The following ABCA1 variants were observed in gnomAD, a reference collection of about 807,000 sequenced individuals.
ABCA1 encodes the protein ATP binding cassette subfamily A member 1.
Under a neutral mutation model 262.5 loss-of-function variants are expected in ABCA1, and 133 were observed. The observed-to-expected ratio is 0.51, with a 90% CI of 0.44 to 0.59. The LOEUF (loss-of-function observed/expected upper bound fraction) is 0.59, where lower values mean the gene tolerates loss of function less well. Among genes scored for constraint, ABCA1 ranks in the 20% least tolerant of loss-of-function variants. ABCA1 has a pLI of 0.00. For missense variants in ABCA1, 2,452 were observed against 2,777.5 expected (o/e 0.88, Z 2.63); for synonymous variants, 1,022 against 1,043.5 (o/e 0.98, Z 0.40).
intron 41 of ABCA1, 116 bp from the exon 42 acceptor site, chr9:104,793,022 G>A: frequency 1.9e-6 from 3 of 1,585,856 alleles, no homozygotes; most frequent in East Asian, 4.5e-5. Flanking sequence ...TGGGCAGGGA[G>A]GGGGCTGCGG....
In ABCA1 at chr9:104,827,299, A is replaced by T. The variant is rs4149309; in HGVS notation, c.2116-130T>A. ...ACAATGCAGAGGCGTAATGCTGTTC[A>T]TCTTTCTGATGAGGCAACTGATCAT... On this transcript the variant is annotated intron_variant, in intron 15 of 49. Transcript: ENST00000374736. 0.18 allele frequency: 141,702 copies of T among 793,778 alleles called. 20,296 individuals carry two copies. Among genetic ancestry groups the T allele is most frequent in the East Asian group, 0.66 (24,518 of 37,312 alleles). 49.2% of individuals were successfully genotyped at this position (793,778 alleles called of 1,614,324 possible).
chr9:104,787,958 C>T lies in ABCA1; in HGVS notation c.6166G>A (p.Ala2056Thr). ...GGAGGCCCGCCGATCAAAGCCATGG[C>T]TGTAGAGAGCTTGCGTTTGTTGCCT... is the stretch of plus-strand genomic sequence containing the variant. ...SGGNKRKLST[A>T]MALIGGPPVV... Residue 2056 changes from alanine to threonine, a missense_variant, in exon 46 of 50, where the codon GCC becomes ACC. This residue lies in a region of ABCA1 where 752 missense variants were observed against 944.5 expected (regional missense o/e 0.80). Coordinates refer to ENST00000374736, the MANE Select transcript of ABCA1 (RefSeq NM_005502.4). The T allele has an allele frequency of 6.2e-7, 1 of 1,614,212 alleles. No homozygotes were observed. The highest frequency in any genetic ancestry group is 8.5e-7 in the Non-Finnish European group (1 of 1,180,030).
At chr9:104,818,919 A>G in intron 22 of ABCA1, 36 bp from the exon 23 acceptor site, 1 of 1,557,898 alleles carries the variant, frequency 6.4e-7, no homozygotes, top group South Asian at 1.1e-5. Context: ...GGGACAGGTG[A>G]GGCCTCTCAG....
At chr9:104,826,365 G>A (rs1832812425) in intron 16 of ABCA1, among the ~76,000 whole-genome samples, 1 of 152,126 alleles carries the variant, frequency 6.6e-6, no homozygotes, top group Non-Finnish European at 1.5e-5. Flanking sequence ...GGGGACATCT[G>A]ACAACTTGCA....
chr9:104,911,388 G>A (rs1841488186), intron 1 of ABCA1, among the ~76,000 whole-genome samples: 1 of 152,188 alleles, frequency 6.6e-6, no homozygotes, highest in South Asian at 2.1e-4. Context: ...CTTTGGATCG[G>A]TAGCCACGTT....
rs146239570 is a variant in ABCA1, at chr9:104,874,490, C to T, written c.421+8549G>A. On this transcript the variant is annotated intron_variant, in intron 5 of 49. Coordinates refer to ENST00000374736, the MANE Select transcript of ABCA1 (RefSeq NM_005502.4). Reference sequence around the variant, plus strand: ...TGAGGCAGGAAGAATTGTTTGAACCCGGGAGGCAGAGGTTGCAGTGAACCA... The same window carrying T: ...TGAGGCAGGAAGAATTGTTTGAACCTGGGAGGCAGAGGTTGCAGTGAACCA... 2.9e-3 allele frequency among the ~76,000 whole-genome samples: 435 copies of T among 152,114 alleles called. 4 individuals carry two copies. The highest frequency in any genetic ancestry group is 0.01 in the African/African-American group (422 of 41,524).
At chr9:104,795,693 G>A (rs1829834775) in intron 39 of ABCA1, among the ~76,000 whole-genome samples, 1 of 152,190 alleles carries the variant, frequency 6.6e-6, no homozygotes, top group African/African-American at 2.4e-5. Flanking sequence ...ATTGATCTTA[G>A]AGATGACAAT....
intron 7 of ABCA1, chr9:104,855,308 T>C (rs919020756): frequency 3.8e-5 from 9 of 238,968 alleles, no homozygotes; most frequent in Non-Finnish European, 6.1e-5. Context: ...GCGATTCTTG[T>C]GCCTCAGCCT....
At position 104,802,160 on chromosome 9, in the gene ABCA1, C is replaced by G; in HGVS notation, c.4593-1G>C. ...GACACCCAGGGAAAAGCCGCCATAC[C>G]TAAAAGAACAGCCTGACATTAAAAC... On this transcript the variant is annotated splice_acceptor_variant, in intron 33 of 49. Coordinates refer to ENST00000374736, the MANE Select transcript of ABCA1 (RefSeq NM_005502.4). LOFTEE classifies it high-confidence loss of function. The G allele has an allele frequency of 6.2e-7, 1 of 1,613,984 alleles. No homozygotes were observed. Among genetic ancestry groups the G allele is most frequent in the Middle Eastern group, 1.6e-4 (1 of 6,062 alleles).
chr9:104,825,786 A>G lies in ABCA1; in HGVS notation c.2439T>C (p.Pro813=), dbSNP rs746193369. 1 of 1,614,224 alleles carries G rather than the reference A, an allele frequency of 6.2e-7. No individual in the cohort carries two copies. Among genetic ancestry groups the G allele is most frequent in the Non-Finnish European group, 8.5e-7 (1 of 1,180,050 alleles). ...GVQWDNLFES[P]VEEDGFNLTT... Reference sequence around the variant, plus strand: ...TGAGATTGAAGCCATCTTCCTCCACAGGACTCTCAAACAGGTTGTCCCACT... The same window carrying G: ...TGAGATTGAAGCCATCTTCCTCCACGGGACTCTCAAACAGGTTGTCCCACT... Residue 813 remains proline, a synonymous_variant, in exon 17 of 50, where the codon CCT becomes CCC. Transcript: ENST00000374736.
intron 2 of ABCA1, among the ~76,000 whole-genome samples, chr9:104,893,125 T>C (rs1839895909): frequency 6.6e-6 from 1 of 151,954 alleles, no homozygotes; most frequent in Admixed American, 6.6e-5. Flanking sequence ...TAAATAAATT[T>C]AGAAAATACT....
intron 7 of ABCA1, among the ~76,000 whole-genome samples, chr9:104,850,209 C>T (rs911168649): frequency 6.6e-6 from 1 of 152,164 alleles, no homozygotes; most frequent in Admixed American, 6.5e-5. Flanking sequence ...GCAACCTCCC[C>T]CTCCTGGGTT....
intron 1 of ABCA1, among the ~76,000 whole-genome samples, chr9:104,923,203 CAA>C (rs1486708100): frequency 2.0e-5 from 3 of 152,184 alleles, no homozygotes; most frequent in Non-Finnish European, 4.4e-5. Flanking sequence ...TACAATTCAC[CAA>C]AGTTAGGTTT....
intron 48 of ABCA1, 118 bp from the exon 49 acceptor site, chr9:104,785,757 A>G (rs1475519203): frequency 1.6e-6 from 2 of 1,248,156 alleles, no homozygotes; most frequent in East Asian, 2.4e-5. Context: ...AGGCCCAGAA[A>G]TAAGTTTCTG....
chr9:104,912,545 C>T (rs1228995683), intron 1 of ABCA1, among the ~76,000 whole-genome samples: 3 of 152,204 alleles, frequency 2.0e-5, no homozygotes, highest in Non-Finnish European at 4.4e-5. Context: ...GCTTCTAAAC[C>T]TCACAAGAGC....
chr9:104,821,451 T>C lies in ABCA1; in HGVS notation c.2884A>G (p.Lys962Glu). Residue 962 changes from lysine (K) to glutamate (E), a missense_variant, in exon 20 of 50, where the codon AAA becomes GAA. By Grantham distance (56) the Lys-to-Glu change is moderately conservative. Transcript: ENST00000374736. ...GTGCTCATCTCAGAGCGAATGTCTT[T>C]TCCCAGGATGTAGGCGGTGCCCGAG... is the stretch of plus-strand genomic sequence containing the variant. ...PTSGTAYILG[K>E]DIRSEMSTIR... 6.2e-7 allele frequency: 1 copy of C among 1,614,098 alleles called. No homozygotes were observed.
intron 1 of ABCA1, among the ~76,000 whole-genome samples, chr9:104,922,743 A>G (rs1431223967): frequency 1.3e-5 from 2 of 151,952 alleles, no homozygotes; most frequent in Admixed American, 6.6e-5. Context: ...ACGGAGTCTC[A>G]CTCTGTCGCC....
intron 28 of ABCA1, among the ~76,000 whole-genome samples, chr9:104,811,452 C>A (rs569953871): frequency 4.5e-4 from 68 of 152,298 alleles, no homozygotes; most frequent in Admixed American, 8.5e-4. Flanking sequence ...TCTACAGCAA[C>A]GGCTCCAATC....
intron 35 of ABCA1, among the ~76,000 whole-genome samples, chr9:104,800,267 C>G (rs1379424672): frequency 6.6e-6 from 1 of 152,214 alleles, no homozygotes; most frequent in Non-Finnish European, 1.5e-5. Flanking sequence ...CTCCATTTCA[C>G]AGATGAGGGA....
Sources: allele counts gnomAD v4.1 joint callset (sites outside exome capture counted in the v4.1 genomes callset), GRCh38; gene constraint gnomAD v4.1.1; regional missense constraint gnomAD v4.1.1; transcripts MANE v1.5; gene names NCBI Gene and HGNC (gene_info 2026-07-23, HGNC 2026-07-21).